Variants in PHKB observed in about 807,000 individuals in gnomAD.
PHKB encodes phosphorylase kinase regulatory subunit beta, also known as phosphorylase b kinase regulatory subunit beta.
PHKB carries 122 observed loss-of-function variants against 152.1 expected under a neutral mutation model. The observed-to-expected ratio is 0.80, with a 90% CI of 0.69 to 0.93. The LOEUF is 0.93. Among genes scored for constraint, PHKB ranks in the 40% least tolerant of loss-of-function variants. The pLI is 0.00. For missense variants in PHKB, 1,304 were observed against 1,328.4 expected, an observed-to-expected ratio of 0.98 and a Z score of 0.29; for synonymous variants, 436 against 464.9, an observed-to-expected ratio of 0.94 and a Z score of 0.80.
chr16:47,630,031 G>C (rs532914250), intron 14 of PHKB, among the ~76,000 whole-genome samples: 1 of 151,838 alleles, frequency 6.6e-6, no homozygotes, highest in African/African-American at 2.4e-5. Flanking sequence ...TTGTGGGGTC[G>C]GGGGAGGAGG....
intron 6 of PHKB, among the ~76,000 whole-genome samples, chr16:47,532,269 A>G (rs138048099): frequency 0.011 from 1,627 of 152,320 alleles, 34 homozygotes; most frequent in African/African-American, 0.037. Flanking sequence ...TTGGAGAGCA[A>G]TTTGACAATA....
chr16:47,501,551 C>G (rs759344378), intron 3 of PHKB, among the ~76,000 whole-genome samples: 1 of 152,102 alleles, frequency 6.6e-6, no homozygotes, highest in African/African-American at 2.4e-5. Flanking sequence ...TCCTTGTTTT[C>G]TAGAGATACT....
chr16:47,635,644 A>T (rs1419222710), intron 14 of PHKB, among the ~76,000 whole-genome samples: 3 of 152,150 alleles, frequency 2.0e-5, no homozygotes, highest in African/African-American at 7.2e-5. Flanking sequence ...TTGCTGGAGG[A>T]AGTGACAAGA....
In PHKB at chr16:47,589,047, A is replaced by C. The variant is rs1971983691; in HGVS notation, c.1013A>C (p.Tyr338Ser). ...TTTAAACGTTTCTTGAGAGATGGGT[A>C]TAGAACATCATTGGAAGATCCCAAC... is the stretch of plus-strand genomic sequence containing the variant. ...YGFKRFLRDG[Y>S]RTSLEDPNRC... Residue 338 changes from tyrosine to serine, a missense_variant, in exon 10 of 31, where the codon TAT becomes TCT. Tyr to Ser is a moderately radical substitution (Grantham distance 144). Coordinates refer to ENST00000323584, the MANE Select transcript of PHKB (RefSeq NM_000293.3). 6.2e-7 allele frequency: 1 copy of C among 1,613,478 alleles called. No individual in the cohort carries two copies.
intron 27 of PHKB, among the ~76,000 whole-genome samples, chr16:47,690,368 GACTCA>G (rs1203868791): frequency 6.6e-6 from 1 of 152,232 alleles, no homozygotes; most frequent in East Asian, 1.9e-4. Context: ...TTCTAATAAT[GACTCA>G]ACCCAAGGAC....
At chr16:47,576,210 G>T (rs989055431) in intron 7 of PHKB, among the ~76,000 whole-genome samples, 1 of 152,156 alleles carries the variant, frequency 6.6e-6, no homozygotes, top group African/African-American at 2.4e-5. Context: ...CATCATTAAA[G>T]AAATTGTGGA....
intron 7 of PHKB, among the ~76,000 whole-genome samples, chr16:47,578,063 TC>T (rs1327776501): frequency 1.3e-5 from 2 of 152,202 alleles, no homozygotes; most frequent in Admixed American, 6.5e-5. Context: ...TGTTCTGTCT[TC>T]CAGTTTGTTT....
At chr16:47,671,201 A>T (rs1044837991) in intron 26 of PHKB, among the ~76,000 whole-genome samples, 1 of 152,212 alleles carries the variant, frequency 6.6e-6, no homozygotes, top group Non-Finnish European at 1.5e-5. Flanking sequence ...TCCATCTGTC[A>T]TTATTAGCTT....
rs768021122 is a variant in PHKB, at chr16:47,669,323, G to A, written c.2536G>A (p.Glu846Lys). 8.1e-6 allele frequency: 13 copies of A among 1,613,980 alleles called. No individual in the cohort carries two copies. The African/African-American group carries it at 1.7e-4, about 22-fold the overall frequency. Reference protein sequence around the residue: ...YYKCNTHDEREAVIQQELVIH... With the variant: ...YYKCNTHDERKAVIQQELVIH... ...TAAGTGTAACACCCATGATGAGAGG[G>A]AAGCGGTCATTCAGCAAGAACTGGT... The change falls in exon 26 of 31, where the codon GAA (glutamate) becomes AAA (lysine). Residue 846 changes from glutamate (E) to lysine (K), a missense_variant. Glu to Lys is a moderately conservative substitution (Grantham distance 56, BLOSUM62 1). Coordinates refer to ENST00000323584, the MANE Select transcript of PHKB (RefSeq NM_000293.3).
intron 8 of PHKB, 92 bp downstream of exon 8, chr16:47,580,450 A>G (rs1462033702): frequency 4.3e-6 from 4 of 925,816 alleles, no homozygotes; most frequent in South Asian, 4.0e-5. Context: ...CCTTATAATC[A>G]GAGAATGTCC....
intron 7 of PHKB, among the ~76,000 whole-genome samples, chr16:47,580,017 A>G (rs1396167912): frequency 6.6e-6 from 1 of 152,140 alleles, no homozygotes; most frequent in Admixed American, 6.5e-5. Context: ...TTAGTGAATA[A>G]AAATGATTCT....
chr16:47,644,994 T>C (rs1017522954), intron 16 of PHKB, among the ~76,000 whole-genome samples: 14 of 152,210 alleles, frequency 9.2e-5, no homozygotes, highest in African/African-American at 3.1e-4. Flanking sequence ...AAGTATTTGA[T>C]TTAAGGGGCA....
chr16:47,569,436 T>C (rs1459237125), intron 7 of PHKB, among the ~76,000 whole-genome samples: 1 of 152,202 alleles, frequency 6.6e-6, no homozygotes, highest in African/African-American at 2.4e-5. Flanking sequence ...AGCAGATGTT[T>C]GGTCTGTGTT....
intron 14 of PHKB, among the ~76,000 whole-genome samples, chr16:47,624,109 T>C (rs1972667214): frequency 6.6e-6 from 1 of 152,234 alleles, no homozygotes; most frequent in African/African-American, 2.4e-5. Flanking sequence ...CCATGAGTTT[T>C]GAGCAAATAT....
intron 1 of PHKB, among the ~76,000 whole-genome samples, chr16:47,492,089 A>C (rs1970159508): frequency 6.6e-6 from 1 of 152,186 alleles, no homozygotes; most frequent in African/African-American, 2.4e-5. Flanking sequence ...GGTCCTGCAG[A>C]TATCAAACTA....
chr16:47,566,997 T>A (rs1971580713), intron 7 of PHKB: 2 of 429,394 alleles, frequency 4.7e-6, no homozygotes, highest in African/African-American at 2.0e-5. Flanking sequence ...ACTATAGCCT[T>A]GTAGTATAAT....
intron 14 of PHKB, among the ~76,000 whole-genome samples, chr16:47,614,460 C>T (rs1010029822): frequency 2.6e-5 from 4 of 152,080 alleles, no homozygotes; most frequent in Non-Finnish European, 4.4e-5. Context: ...ACAGGTTATT[C>T]GAACATTTCT....
intron 8 of PHKB, among the ~76,000 whole-genome samples, chr16:47,584,376 C>T (rs1389091315): frequency 6.6e-6 from 1 of 152,056 alleles, no homozygotes; most frequent in Non-Finnish European, 1.5e-5. Context: ...ATGTCATAGT[C>T]ATAGTAAGCA....
intron 6 of PHKB, among the ~76,000 whole-genome samples, chr16:47,542,975 A>G (rs760327959): frequency 6.6e-6 from 1 of 152,090 alleles, no homozygotes; most frequent in Non-Finnish European, 1.5e-5. Context: ...CTCTTTTCCT[A>G]ATTGTATATC....
Sources: gnomAD v4.1 joint callset for allele counts (sites outside exome capture counted in the v4.1 genomes callset) on GRCh38, gnomAD v4.1.1 for gene constraint, MANE v1.5 for transcripts, NCBI Gene and HGNC (gene_info 2026-07-23, HGNC 2026-07-21) for gene names.